The following SREK1 variants were observed in gnomAD, a reference collection of about 807,000 sequenced individuals.
SREK1 encodes the protein splicing regulatory glutamine/lysine-rich protein 1.
Under a neutral mutation model 66.5 loss-of-function variants are expected in SREK1, and 13 were observed. The ratio of observed to expected loss-of-function variants is 0.20; its 90% CI spans 0.13 to 0.31. SREK1 has a LOEUF of 0.31. Ranked by LOEUF, SREK1 falls within the 10% of genes least tolerant of loss-of-function variation. The pLI is 1.00. For synonymous variants in SREK1, 265 were observed against 263.5 expected (o/e 1.01, Z -0.05); for missense variants, 607 against 769.6 (o/e 0.79, Z 2.50).
At chr5:66,162,020 T>A (rs1744814174) in intron 3 of SREK1, 89 bp from the exon 4 acceptor site, 3 of 1,454,822 alleles carry the variant, frequency 2.1e-6, no homozygotes, top group Non-Finnish European at 2.8e-6. Flanking sequence ...CTTGTTGAGT[T>A]AGTTCATTCT....
intron 1 of SREK1, 72 bp downstream of exon 1, chr5:66,144,609 G>T: frequency 6.8e-7 from 1 of 1,477,972 alleles, no homozygotes; most frequent in Non-Finnish European, 9.0e-7. Flanking sequence ...GCGTGGAGGA[G>T]AGCGCGGACG....
intron 6 of SREK1, 46 bp downstream of exon 6, chr5:66,163,968 G>A: frequency 6.3e-7 from 1 of 1,586,644 alleles, no homozygotes; most frequent in East Asian, 2.3e-5. Context: ...AAAGATCATA[G>A]ACTCTTAGAA....
At chr5:66,163,467 GA>G (rs1158130971) in intron 5 of SREK1, 1 of 200,510 alleles carries the variant, frequency 5.0e-6, no homozygotes, top group African/African-American at 2.4e-5. Context: ...AAATAGAAAT[GA>G]TTCATTTTCA....
chr5:66,166,203 G>A (rs1405004659), intron 7 of SREK1: 1 of 152,132 alleles, frequency 6.6e-6, no homozygotes, highest in African/African-American at 2.4e-5. Context: ...GATGTGGTGA[G>A]GGTAAAGGAG....
intron 1 of SREK1, among the ~76,000 whole-genome samples, chr5:66,146,087 T>C (rs1175940817): frequency 6.6e-6 from 1 of 152,144 alleles, no homozygotes; most frequent in Admixed American, 6.5e-5. Flanking sequence ...TTTGATTGAT[T>C]AACCGTGGCA....
chr5:66,175,050 G>A lies in SREK1; in HGVS notation c.1580+9G>A, dbSNP rs753471750. 1 of 1,605,636 alleles carries A rather than the reference G, an allele frequency of 6.2e-7. No homozygotes were observed. The highest frequency in any genetic ancestry group is 1.3e-5 in the African/African-American group (1 of 74,762). ...TCTCCGTCCCCCAGGAGGTAGGTTG[G>A]GAGCTTGTGCTAAAACTAAACAGGA... On this transcript the variant is annotated intron_variant, in intron 10 of 11. Coordinates refer to ENST00000334121, the MANE Select transcript of SREK1 (RefSeq NM_001077199.3).
At chr5:66,177,904 A>G (rs1379672291) in intron 11 of SREK1, among the ~76,000 whole-genome samples, 2 of 152,134 alleles carry the variant, frequency 1.3e-5, no homozygotes, top group African/African-American at 4.8e-5. Flanking sequence ...AATTTAAGAA[A>G]TCAACAGTAA....
In SREK1 at chr5:66,144,526, C is replaced by A; in HGVS notation, c.150C>A (p.Leu50=). 6.4e-7 allele frequency: 1 copy of A among 1,552,548 alleles called. No individual in the cohort carries two copies. The highest frequency in any genetic ancestry group is 2.4e-5 in the East Asian group (1 of 41,034). ...TAGGAGAAATCGAGGAGCTGCGGCT[C>A]TACCCCCCGGAGTAAGTGCTGGAGC... The part of the protein sequence containing the change: ...SFLGEIEELR[L]YPPDNAPLAF... Residue 50 remains leucine, a synonymous_variant, in exon 1 of 12, where the codon CTC becomes CTA. Coordinates refer to ENST00000334121, the MANE Select transcript of SREK1 (RefSeq NM_001077199.3).
At chr5:66,146,487 G>A (rs549404224) in intron 1 of SREK1, among the ~76,000 whole-genome samples, 1 of 152,198 alleles carries the variant, frequency 6.6e-6, no homozygotes, top group South Asian at 2.1e-4. Flanking sequence ...TTAAACATAT[G>A]GAAGATTACG....
intron 9 of SREK1, among the ~76,000 whole-genome samples, chr5:66,173,849 A>G (rs1175786886): frequency 6.6e-6 from 1 of 152,222 alleles, no homozygotes; most frequent in East Asian, 1.9e-4. Flanking sequence ...TAATTTCCAC[A>G]TTAGAAGTGT....
At chr5:66,164,626 G>T (rs1479912252) in intron 6 of SREK1, 157 bp from the exon 7 acceptor site, 3 of 1,548,992 alleles carry the variant, frequency 1.9e-6, no homozygotes, top group Admixed American at 3.9e-5. Flanking sequence ...CACTCAACGA[G>T]TTTATGCAAT....
intron 9 of SREK1, among the ~76,000 whole-genome samples, chr5:66,172,684 C>T (rs770902001): frequency 3.9e-5 from 6 of 152,156 alleles, no homozygotes; most frequent in South Asian, 2.1e-4. Flanking sequence ...GCATCAGTCA[C>T]TGCACCTGGC....
At chr5:66,176,440 C>T (rs1746062669) in intron 10 of SREK1, among the ~76,000 whole-genome samples, 1 of 152,094 alleles carries the variant, frequency 6.6e-6, no homozygotes, top group Non-Finnish European at 1.5e-5. Flanking sequence ...GAACATGAGT[C>T]AGTTGTCTGC....
chr5:66,167,098 C>T (rs1032312556), intron 7 of SREK1: 1 of 152,084 alleles, frequency 6.6e-6, no homozygotes, highest in Non-Finnish European at 1.5e-5. Context: ...CTTAAAGGCC[C>T]ACCTTCTACT....
chr5:66,171,107 GT>G, intron 9 of SREK1, among the ~76,000 whole-genome samples, 160 bp downstream of exon 9: 1 of 152,176 alleles, frequency 6.6e-6, no homozygotes, highest in East Asian at 1.9e-4. Context: ...CTCTAGCAGA[GT>G]GGGGAAAGAG....
rs969475759 is a variant in SREK1, at chr5:66,153,691, T to C, written c.295+95T>C. ...GAGATTGGCAAGTAGACAGTACTCT[T>C]GGTGTGTGTGTGAAAGTAAGAATGA... On this transcript the variant is annotated intron_variant, in intron 2 of 11. Transcript: ENST00000334121. The C allele has an allele frequency of 2.7e-6, 4 of 1,482,858 alleles. No homozygotes were observed. In the African/African-American group the frequency reaches 4.3e-5, roughly 16 times the overall value. The allele number at this position is 1,482,858 out of a possible 1,614,324, so 91.9% of individuals were successfully genotyped here.
intron 11 of SREK1, 142 bp downstream of exon 11, chr5:66,177,800 A>G: frequency 1.5e-6 from 1 of 651,844 alleles, no homozygotes; most frequent in Middle Eastern, 3.3e-4. Context: ...AAAATATTTA[A>G]TTGGTAATTT....
Position 66,153,716 on chromosome 5 carries a change from A to T in SREK1, c.295+120A>T, listed in dbSNP as rs964253770. Reference sequence around the variant, plus strand: ...TGGTGTGTGTGTGAAAGTAAGAATGAAATTTGGAGGAGGTAAACCTTTTTA... The same window carrying T: ...TGGTGTGTGTGTGAAAGTAAGAATGTAATTTGGAGGAGGTAAACCTTTTTA... On this transcript the variant is annotated intron_variant, in intron 2 of 11. Coordinates refer to ENST00000334121, the MANE Select transcript of SREK1 (RefSeq NM_001077199.3). The T allele has an allele frequency of 4.6e-6, 6 of 1,315,004 alleles. No homozygotes were observed. The Admixed American group carries it at 1.2e-4, about 27-fold the overall frequency. 81.5% of individuals were successfully genotyped at this position (1,315,004 alleles called of 1,614,324 possible). A position where few individuals can be genotyped will look rare whatever the true frequency, so the allele number is the denominator to read the frequency against.
intron 10 of SREK1, among the ~76,000 whole-genome samples, chr5:66,176,056 T>C (rs1336537792): frequency 6.6e-6 from 1 of 152,202 alleles, no homozygotes; most frequent in Non-Finnish European, 1.5e-5. Flanking sequence ...CTTGTACTTT[T>C]ATGGTTTTAT....
Sources: gnomAD v4.1 joint callset for allele counts (sites outside exome capture counted in the v4.1 genomes callset) on GRCh38, gnomAD v4.1.1 for gene constraint, MANE v1.5 for transcripts, NCBI Gene and HGNC (gene_info 2026-07-23, HGNC 2026-07-21) for gene names.